The following DOCK8 variants were observed in gnomAD, a reference collection of about 807,000 sequenced individuals.
DOCK8 encodes the protein dedicator of cytokinesis protein 8.
Under a neutral mutation model 245.6 loss-of-function variants are expected in DOCK8, and 141 were observed. That is an observed-to-expected ratio of 0.57 (90% CI 0.50 to 0.66). DOCK8 has a LOEUF of 0.66. DOCK8 is among the 30% of genes least tolerant of loss of function. DOCK8 has a pLI of 0.00. For missense variants in DOCK8, 2,965 were observed against 2,603.4 expected (o/e 1.14, Z -3.02); for synonymous variants, 1,168 against 970.2 (o/e 1.20, Z -3.79).
At position 223,470 on chromosome 9, in the gene DOCK8, C is replaced by T. The variant is rs192810418; in HGVS notation, c.53+8441C>T. Among the ~76,000 whole-genome samples the T allele has an allele frequency of 2.8e-4, 43 of 152,240 alleles. No homozygotes were observed. The East Asian group carries it at 5.4e-3, about 19-fold the overall frequency. On this transcript the variant is annotated intron_variant, in intron 1 of 47. Transcript: ENST00000432829. ...AAAAGAAAGGCACTTTCCCTGGCCT[C>T]ATAGCCCTCCGTGACTTCAAAGTAT... is the stretch of plus-strand genomic sequence containing the variant.
intron 15 of DOCK8, chr9:369,483 G>A (rs2053182461): frequency 2.0e-5 from 3 of 152,420 alleles, no homozygotes; most frequent in Admixed American, 2.0e-4. Flanking sequence ...CCTAAATGCT[G>A]CTTCAGGCCC....
At chr9:457,022 T>C (rs2057663287) in intron 46 of DOCK8, 1 of 152,144 alleles carries the variant, frequency 6.6e-6, no homozygotes, top group Non-Finnish European at 1.5e-5. Context: ...TGTTGAGTGG[T>C]GGCGTTTTTA....
intron 46 of DOCK8, chr9:456,539 G>A (rs2057647709): frequency 6.6e-6 from 1 of 152,218 alleles, no homozygotes; most frequent in Non-Finnish European, 1.5e-5. Context: ...ACTGCGTCTA[G>A]TGCCACCACG....
chr9:395,254 G>T (rs1168386604), intron 24 of DOCK8, among the ~76,000 whole-genome samples: 1 of 152,134 alleles, frequency 6.6e-6, no homozygotes, highest in Non-Finnish European at 1.5e-5. Context: ...TTTAGGGTTT[G>T]ATGTCCTTAG....
intron 14 of DOCK8, among the ~76,000 whole-genome samples, chr9:355,715 G>A (rs886897107): frequency 6.6e-6 from 1 of 152,130 alleles, no homozygotes; most frequent in Non-Finnish European, 1.5e-5. Flanking sequence ...GAAACCCTAA[G>A]CTGTACATAT....
chr9:340,408 C>T (rs2051526448), intron 14 of DOCK8, 87 bp downstream of exon 14: 1 of 1,554,686 alleles, frequency 6.4e-7, no homozygotes, highest in African/African-American at 1.4e-5. Flanking sequence ...ATTGCTTGAG[C>T]TCAGGAGTTT....
intron 10 of DOCK8, among the ~76,000 whole-genome samples, chr9:333,375 GCA>G (rs2051125091): frequency 6.6e-6 from 1 of 152,236 alleles, no homozygotes; most frequent in Non-Finnish European, 1.5e-5. Context: ...GCCAAGGCGG[GCA>G]GATCATGAGG....
Position 255,672 on chromosome 9 carries a change from A to G in DOCK8, c.54-15955A>G, listed in dbSNP as rs1035925267. On this transcript the variant is annotated intron_variant, in intron 1 of 47. Transcript: ENST00000432829. ...GATAGAGCAAGACTCCATCTCCAAA[A>G]AAAAAAAAAAAAAAAAAAAAACAGC... Among the ~76,000 whole-genome samples, 320 of 51,230 alleles carry G rather than the reference A, an allele frequency of 6.2e-3. 12 individuals carry two copies. The East Asian group carries it at 0.12, about 20-fold the overall frequency. The allele number at this position is 51,230 out of a possible 152,430, so 33.6% of individuals were successfully genotyped here.
rs1240636162 is a variant in DOCK8, at chr9:403,909, T to TAC, written c.3235-1008_3235-1007insCA. On this transcript the variant is annotated intron_variant, in intron 26 of 47. Coordinates refer to ENST00000432829, the MANE Select transcript of DOCK8 (RefSeq NM_203447.4). ...CTCTCTCTCTATATATATATATATATATATATACATATATATATATGTGTA... is the reference window on the plus strand; with the variant it reads ...CTCTCTCTCTATATATATATATATATACATATATACATATATATATATGTGTA... Among the ~76,000 whole-genome samples the TAC allele has an allele frequency of 1.0e-3, 91 of 87,748 alleles. 1 individual carries two copies. Among genetic ancestry groups the TAC allele is most frequent in the African/African-American group, 6.9e-3 (89 of 12,828 alleles). The allele number at this position is 87,748 out of a possible 152,430, so 57.6% of individuals were successfully genotyped here. A position where few individuals can be genotyped will look rare whatever the true frequency, so the allele number is the denominator to read the frequency against.
At chr9:352,734 C>T (rs2052233999) in intron 14 of DOCK8, among the ~76,000 whole-genome samples, 1 of 53,522 alleles carries the variant, frequency 1.9e-5, no homozygotes, top group Non-Finnish European at 4.5e-5. Flanking sequence ...GTGTGAGACT[C>T]TGTCTCAAAA....
At chr9:273,242 C>T in intron 2 of DOCK8, 1 of 497,116 alleles carries the variant, frequency 2.0e-6, no homozygotes, top group Non-Finnish European at 2.6e-6. Context: ...AGAAAATCTA[C>T]TTATGACTTC....
rs2048169705 is a variant in DOCK8 at position 271,719 on chromosome 9, C to CT, written c.147dup (p.Leu50SerfsTer8). The CT allele has an allele frequency of 6.4e-7, 1 of 1,550,708 alleles. No homozygotes were observed. The highest frequency in any genetic ancestry group is 8.7e-7 in the Non-Finnish European group (1 of 1,146,022). ...AGCATAAGTACCTCTGGCTTCCCCT[C>CT]TCTTCAACTAGTAAGTATGAGTTCC... is the stretch of plus-strand genomic sequence containing the variant. On this transcript the variant is annotated frameshift_variant, in exon 2 of 48. Transcript: ENST00000432829. LOFTEE classifies it high-confidence loss of function.
chr9:214,637 C>T (rs746929075), upstream of DOCK8: 3 of 1,611,978 alleles, frequency 1.9e-6, no homozygotes, highest in South Asian at 1.1e-5. Context: ...GGTCGCCTGT[C>T]GTCCGCCCGC....
intron 1 of DOCK8, among the ~76,000 whole-genome samples, chr9:239,548 A>G (rs1385387663): frequency 6.6e-6 from 1 of 152,228 alleles, no homozygotes; most frequent in South Asian, 2.1e-4. Flanking sequence ...CCTGAAGAAT[A>G]GCAACTGTAG....
chr9:449,854 T>C lies in DOCK8; in HGVS notation c.5888T>C (p.Ile1963Thr). 6.2e-7 allele frequency: 1 copy of C among 1,613,710 alleles called. No homozygotes were observed. The highest frequency in any genetic ancestry group is 8.5e-7 in the Non-Finnish European group (1 of 1,180,028). Residue 1963 changes from isoleucine (I) to threonine (T), a missense_variant, in exon 45 of 48, where the codon ATT (isoleucine) becomes ACT (threonine). This residue lies in a region of DOCK8 where 2,825 missense variants were observed against 2,453.5 expected (regional missense o/e 1.15). Coordinates refer to ENST00000432829, the MANE Select transcript of DOCK8 (RefSeq NM_203447.4). The stretch of plus-strand genomic sequence containing the variant: ...AAGACCCTGCAGTTAGCAGTTGCCA[T>C]TAACCAGGAGCCGCCTGATGCAAAG... ...KKKTLQLAVAINQEPPDAKML... is the reference protein window; with the variant it reads ...KKKTLQLAVATNQEPPDAKML...
chr9:355,899 T>C (rs2052420981), intron 14 of DOCK8, among the ~76,000 whole-genome samples: 1 of 152,130 alleles, frequency 6.6e-6, no homozygotes, highest in Non-Finnish European at 1.5e-5. Context: ...AAAGGTGAGA[T>C]TTGCAGGCTG....
chr9:394,208 G>A (rs1468145384), intron 24 of DOCK8, among the ~76,000 whole-genome samples: 1 of 151,820 alleles, frequency 6.6e-6, no homozygotes, highest in Non-Finnish European at 1.5e-5. Context: ...CCTGAGTGAT[G>A]TGGTCCCTCG....
chr9:397,037 TATA>T, intron 25 of DOCK8, 103 bp downstream of exon 25: 1 of 1,329,926 alleles, frequency 7.5e-7, no homozygotes, highest in Non-Finnish European at 1.1e-6. Flanking sequence ...ATAATTAAAA[TATA>T]ACTGTAATGA....
intron 7 of DOCK8, among the ~76,000 whole-genome samples, chr9:325,276 A>C (rs1052338408): frequency 1.3e-5 from 2 of 152,232 alleles, no homozygotes; most frequent in African/African-American, 4.8e-5. Context: ...AACAGATACT[A>C]TCTAGCAATA....
Sources: allele counts gnomAD v4.1 joint callset (sites outside exome capture counted in the v4.1 genomes callset), GRCh38; gene constraint gnomAD v4.1.1; regional missense constraint gnomAD v4.1.1; transcripts MANE v1.5; gene names NCBI Gene and HGNC (gene_info 2026-07-23, HGNC 2026-07-21).